Variants in THOP1 observed in about 807,000 individuals in gnomAD.
THOP1 encodes thimet oligopeptidase.
A neutral mutation model predicts 71.8 loss-of-function variants in THOP1; 49 were observed. The observed-to-expected ratio is 0.68, with a 90% confidence interval of 0.54 to 0.87. The LOEUF is 0.87. THOP1 is among the 40% of genes least tolerant of loss of function. The pLI is 0.00. For missense variants in THOP1, 843 were observed against 975.6 expected (o/e 0.86, Z 1.81); for synonymous variants, 426 against 421.5 (o/e 1.01, Z -0.13).
chr19:2,811,016 A>C (rs1178973567), intron 11 of THOP1, among the ~76,000 whole-genome samples: 1 of 152,190 alleles, frequency 6.6e-6, no homozygotes, highest in East Asian at 1.9e-4. Flanking sequence ...TCTGCTTTGA[A>C]TGAAGCTGGC....
At chr19:2,812,057 GC>G in intron 12 of THOP1, 1 of 1,171,488 alleles carries the variant, frequency 8.5e-7, no homozygotes, top group Non-Finnish European at 1.2e-6. Context: ...CAGGCCTCGG[GC>G]TGTGAGTGCT....
chr19:2,809,478 C>T (rs1916399621), intron 9 of THOP1: 1 of 152,232 alleles, frequency 6.6e-6, no homozygotes, highest in African/African-American at 2.4e-5. Flanking sequence ...AGAGTGCGGC[C>T]CTTCTGAGGA....
intron 2 of THOP1, among the ~76,000 whole-genome samples, chr19:2,793,867 A>G (rs1158665193): frequency 6.6e-6 from 1 of 152,040 alleles, no homozygotes; most frequent in Non-Finnish European, 1.5e-5. Context: ...TCACTCGTGG[A>G]TGGACCTTTT....
intron 9 of THOP1, 152 bp from the exon 10 acceptor site, chr19:2,810,152 G>C (rs374686738): frequency 1.0e-6 from 1 of 1,002,620 alleles, no homozygotes. Flanking sequence ...TCCGGGTCCC[G>C]GTCGTTTTCC....
intron 5 of THOP1, among the ~76,000 whole-genome samples, chr19:2,803,357 CA>C (rs1360309995): frequency 6.6e-6 from 1 of 152,222 alleles, no homozygotes; most frequent in African/African-American, 2.4e-5. Flanking sequence ...AGGTCCCAGC[CA>C]CTCGGGAGGC....
Position 2,790,709 on chromosome 19 carries a change from C to A in THOP1, c.229+76C>A, listed in dbSNP as rs1160503407. 3 of 1,353,542 alleles carry A rather than the reference C, an allele frequency of 2.2e-6. No homozygotes were observed. The South Asian group carries it at 4.7e-5, about 21-fold the overall frequency. The allele number at this position is 1,353,542 out of a possible 1,614,324, so 83.8% of individuals were successfully genotyped here. A position where few individuals can be genotyped will look rare whatever the true frequency, so the allele number is the denominator to read the frequency against. Reference sequence around the variant, plus strand: ...GCACCGCAGGCGGGAGTAGCCCAGCCCGTGGAGCCGGTTCAGAACCTGGCT... The same window carrying A: ...GCACCGCAGGCGGGAGTAGCCCAGCACGTGGAGCCGGTTCAGAACCTGGCT... On this transcript the variant is annotated intron_variant, in intron 2 of 12. Coordinates refer to ENST00000307741, the MANE Select transcript of THOP1 (RefSeq NM_003249.5).
chr19:2,807,337 C>G (rs1258780828), intron 7 of THOP1, 105 bp from the exon 8 acceptor site: 6 of 1,443,180 alleles, frequency 4.2e-6, no homozygotes, highest in East Asian at 2.4e-5. Flanking sequence ...GCGGGTCCTC[C>G]CTTCCAAATG....
chr19:2,808,510 G>C, intron 9 of THOP1, 66 bp downstream of exon 9: 1 of 1,481,184 alleles, frequency 6.8e-7, no homozygotes, highest in Non-Finnish European at 9.0e-7. Context: ...GGTCAGCGAG[G>C]CCCAAGCCTG....
At chr19:2,795,038 A>G (rs956863406) in intron 3 of THOP1, 126 bp downstream of exon 3, 82 of 1,142,670 alleles carry the variant, frequency 7.2e-5, no homozygotes, top group Middle Eastern at 3.1e-4. Flanking sequence ...TGGTCAGGCT[A>G]GTCTCGAACT....
At chr19:2,796,303 G>A (rs1916011819) in intron 4 of THOP1, 115 bp downstream of exon 4, 1 of 809,086 alleles carries the variant, frequency 1.2e-6, no homozygotes, top group Non-Finnish European at 2.0e-6. Context: ...GCAGGGCAGG[G>A]GGAGTGCTGG....
chr19:2,810,829 G>A (rs1916444080), intron 11 of THOP1, 61 bp downstream of exon 11: 1 of 1,555,748 alleles, frequency 6.4e-7, no homozygotes, highest in Non-Finnish European at 8.7e-7. Context: ...TCCCTGGGAA[G>A]GTGAAGGGAG....
At chr19:2,808,833 C>T (rs1286379905) in intron 9 of THOP1, among the ~76,000 whole-genome samples, 1 of 152,206 alleles carries the variant, frequency 6.6e-6, no homozygotes, top group Non-Finnish European at 1.5e-5. Flanking sequence ...CCAGTCATGC[C>T]GGATCAGGGC....
intron 7 of THOP1, among the ~76,000 whole-genome samples, 182 bp from the exon 8 acceptor site, chr19:2,807,260 C>T (rs1355781645): frequency 1.3e-5 from 2 of 152,186 alleles, no homozygotes; most frequent in African/African-American, 4.8e-5. Context: ...CATGCTTGCA[C>T]CCGGCCCCGC....
chr19:2,806,961 G>A lies in THOP1; in HGVS notation c.795G>A (p.Gln265=). 6.2e-7 allele frequency: 1 copy of A among 1,613,180 alleles called. No homozygotes were observed. ...ILKELVTLRA[Q]KSRLLGFHTH... ...AGGAGCTGGTGACGCTGCGGGCCCA[G>A]AAGTCCCGCCTGCTGGGGTTCCACA... The change falls in exon 7 of 13, where the codon CAG becomes CAA. Residue 265 remains glutamine, a synonymous_variant. Transcript: ENST00000307741.
intron 2 of THOP1, among the ~76,000 whole-genome samples, chr19:2,793,825 C>T (rs895119922): frequency 6.6e-6 from 1 of 152,158 alleles, no homozygotes; most frequent in African/African-American, 2.4e-5. Flanking sequence ...AGTCGTGTTC[C>T]ACTGGGCAGA....
Position 2,790,673 on chromosome 19 carries a change from C to T in THOP1, c.229+40C>T, listed in dbSNP as rs375980884. ...GGGTCTGTGCGTGGGCCGCAGGTGC[C>T]GAGGGAGGTGGCACCGCAGGCGGGA... On this transcript the variant is annotated intron_variant, in intron 2 of 12. Transcript: ENST00000307741. 1.7e-3 allele frequency: 2,461 copies of T among 1,478,090 alleles called. 7 individuals carry two copies. Among genetic ancestry groups the T allele is most frequent in the Middle Eastern group, 8.1e-3 (44 of 5,442 alleles). 91.6% of individuals were successfully genotyped at this position (1,478,090 alleles called of 1,614,324 possible).
intron 4 of THOP1, among the ~76,000 whole-genome samples, chr19:2,797,128 C>T (rs1431252199): frequency 6.6e-6 from 1 of 152,076 alleles, no homozygotes; most frequent in East Asian, 1.9e-4. Context: ...CTTGTGAAGG[C>T]ATGGGTGTAG....
rs867957277 is a variant in THOP1, at chr19:2,804,954, C to T, written c.590-62C>T. On this transcript the variant is annotated intron_variant, in intron 5 of 12. Coordinates refer to ENST00000307741, the MANE Select transcript of THOP1 (RefSeq NM_003249.5). The surrounding 1 kb of genome is among the most constrained non-coding windows in gnomAD (Gnocchi z 4.7). ...GGGGAAGCCCACCCCTTCCCTCACACGCTGTGTGCAGGCTGTGGGCCCATC... is the reference window on the plus strand; with the variant it reads ...GGGGAAGCCCACCCCTTCCCTCACATGCTGTGTGCAGGCTGTGGGCCCATC... 4.4e-5 allele frequency: 67 copies of T among 1,520,644 alleles called. No homozygotes were observed. The highest frequency in any genetic ancestry group is 2.4e-4 in the South Asian group (19 of 79,120). 94.2% of individuals were successfully genotyped at this position (1,520,644 alleles called of 1,614,324 possible). A position where few individuals can be genotyped will look rare whatever the true frequency, so the allele number is the denominator to read the frequency against.
chr19:2,812,666 G>A (rs1343669542), intron 12 of THOP1, among the ~76,000 whole-genome samples: 10 of 152,154 alleles, frequency 6.6e-5, no homozygotes, highest in South Asian at 4.1e-4. Context: ...CTGGGGCGTC[G>A]GGGTCTCCTT....
Sources: gnomAD v4.1 joint callset for allele counts (sites outside exome capture counted in the v4.1 genomes callset) on GRCh38, gnomAD v4.1.1 for gene constraint, Gnocchi (gnomAD v3.1) non-coding constraint, MANE v1.5 for transcripts, NCBI Gene and HGNC (gene_info 2026-07-23, HGNC 2026-07-21) for gene names.